The following KLRD1 variants were observed in gnomAD, a reference collection of about 807,000 sequenced individuals.
KLRD1 encodes the protein killer cell lectin like receptor D1, also known as natural killer cells antigen CD94.
In KLRD1, 21 loss-of-function variants were observed where a neutral mutation model predicts 22.6. That is an observed-to-expected ratio of 0.93 (90% confidence interval 0.66 to 1.34). The LOEUF is 1.34. Among genes scored for constraint, KLRD1 ranks in the 40% most tolerant of loss-of-function variants. KLRD1 has a pLI of 0.00. For synonymous variants in KLRD1, 59 were observed against 71.1 expected (o/e 0.83, Z 0.85); for missense variants, 183 against 208.6 (o/e 0.88, Z 0.76).
chr12:10,298,339 A>G (rs890681772), intron 1 of KLRD1, among the ~76,000 whole-genome samples: 3 of 152,264 alleles, frequency 2.0e-5, no homozygotes, highest in African/African-American at 7.2e-5. Flanking sequence ...AAAATGAGTT[A>G]GTAATTATGC....
At position 10,325,379 on chromosome 12, in the gene KLRD1, C is replaced by T. The variant is rs1950351136; in HGVS notation, c.*10586C>T. 6.6e-6 allele frequency: 1 copy of T among 152,086 alleles called. No individual in the cohort carries two copies. Among genetic ancestry groups the T allele is most frequent in the South Asian group, 2.1e-4 (1 of 4,830 alleles). The allele number at this position is 152,086 out of a possible 1,614,324, so 9.4% of individuals were successfully genotyped here. On this transcript the variant is annotated 3_prime_UTR_variant, in exon 6 of 6. Transcript: ENST00000336164. ...AAATTTTATTTTATTGAGGTAAATA[C>T]AACATAAGATCTATCCTCTTAACAA...
At chr12:10,242,952 A>G (rs984932469) in intron 1 of KLRD1, among the ~76,000 whole-genome samples, 6 of 152,176 alleles carry the variant, frequency 3.9e-5, no homozygotes, top group Non-Finnish European at 7.4e-5. Context: ...TCACCCTTAA[A>G]AGAGAAGTAA....
intron 1 of KLRD1, among the ~76,000 whole-genome samples, chr12:10,283,934 G>C (rs2137657381): frequency 6.6e-6 from 1 of 151,898 alleles, no homozygotes; most frequent in Non-Finnish European, 1.5e-5. Flanking sequence ...CCAACACTTT[G>C]GGAGGCCGAG....
At position 10,321,470 on chromosome 12, in the gene KLRD1, A is replaced by G. The variant is rs1234995402; in HGVS notation, c.*6677A>G. On this transcript the variant is annotated 3_prime_UTR_variant, in exon 6 of 6. Transcript: ENST00000336164. ...GGACATAAATCATTTGGGGCCAAAG[A>G]TTAGACTCTTGTAAACAGCTTCCTA... 6.6e-6 allele frequency: 1 copy of G among 152,198 alleles called. No homozygotes were observed. Among genetic ancestry groups the G allele is most frequent in the East Asian group, 1.9e-4 (1 of 5,198 alleles). 9.4% of individuals were successfully genotyped at this position (152,198 alleles called of 1,614,324 possible). A position where few individuals can be genotyped will look rare whatever the true frequency, so the allele number is the denominator to read the frequency against.
intron 1 of KLRD1, among the ~76,000 whole-genome samples, chr12:10,246,695 G>A (rs1949294220): frequency 6.6e-6 from 1 of 152,070 alleles, no homozygotes; most frequent in Non-Finnish European, 1.5e-5. Flanking sequence ...TGAAGAACAT[G>A]TCATTTGTCA....
chr12:10,311,829 G>T, intron 4 of KLRD1: 1 of 406,038 alleles, frequency 2.5e-6, no homozygotes, highest in Non-Finnish European at 4.3e-6. Context: ...ATCAAGATAG[G>T]TGCCAAATAA....
intron 1 of KLRD1, among the ~76,000 whole-genome samples, chr12:10,296,673 T>C (rs1185815341): frequency 3.3e-5 from 5 of 152,098 alleles, no homozygotes; most frequent in Non-Finnish European, 7.4e-5. Context: ...AGTAAATGGA[T>C]TAAAAGAGAG....
intron 1 of KLRD1, among the ~76,000 whole-genome samples, chr12:10,286,131 C>T (rs142629169): frequency 2.5e-4 from 38 of 152,268 alleles, no homozygotes; most frequent in Non-Finnish European, 4.0e-4. Context: ...TAGGCAGCAG[C>T]AACTCTGTGG....
At chr12:10,250,189 G>A (rs1949331922) in intron 1 of KLRD1, among the ~76,000 whole-genome samples, 1 of 140,014 alleles carries the variant, frequency 7.1e-6, no homozygotes, top group Admixed American at 7.8e-5. Flanking sequence ...CCAAGGTGGT[G>A]ATAACGTTTT....
intron 1 of KLRD1, chr12:10,309,038 G>C (rs575328370): frequency 1.2e-4 from 21 of 178,244 alleles, no homozygotes; most frequent in Non-Finnish European, 2.2e-4. Flanking sequence ...AAAAATAAAT[G>C]CCTGTTATGT....
chr12:10,276,892 G>T (rs1186715657), intron 1 of KLRD1, among the ~76,000 whole-genome samples: 2 of 152,060 alleles, frequency 1.3e-5, no homozygotes, highest in African/African-American at 2.4e-5. Flanking sequence ...GACAAGAGAT[G>T]ATGAAATTTA....
chr12:10,290,651 A>G (rs1296333343), intron 1 of KLRD1, among the ~76,000 whole-genome samples: 3 of 152,202 alleles, frequency 2.0e-5, no homozygotes, highest in Non-Finnish European at 2.9e-5. Flanking sequence ...CTCTCCCCTA[A>G]TAAACAAACT....
At chr12:10,242,079 T>TTTTTTG (rs1555099179) in intron 1 of KLRD1, among the ~76,000 whole-genome samples, 3 of 148,924 alleles carry the variant, frequency 2.0e-5, no homozygotes, top group African/African-American at 7.4e-5. Flanking sequence ...CTGTTTTTTT[T>TTTTTTG]TTTTTTTTTT....
rs1950236096 is a variant in KLRD1 at position 10,316,586 on chromosome 12, A to G, written c.*1793A>G. 6.6e-6 allele frequency: 1 copy of G among 151,910 alleles called. No individual in the cohort carries two copies. Among genetic ancestry groups the G allele is most frequent in the Non-Finnish European group, 1.5e-5 (1 of 67,964 alleles). The allele number at this position is 151,910 out of a possible 1,614,324, so 9.4% of individuals were successfully genotyped here. ...TCAGCTAATTTTTTGTATCATTTGT[A>G]GAAATGGGGTTTTGTATTGTTGCCC... is the stretch of plus-strand genomic sequence containing the variant. On this transcript the variant is annotated 3_prime_UTR_variant, in exon 6 of 6. Transcript: ENST00000336164.
intron 1 of KLRD1, among the ~76,000 whole-genome samples, chr12:10,295,714 A>G (rs1022974356): frequency 1.3e-5 from 2 of 152,194 alleles, no homozygotes; most frequent in African/African-American, 2.4e-5. Flanking sequence ...AACATTTACA[A>G]TAAATCAAAA....
In KLRD1 at chr12:10,291,495, G is replaced by A. The variant is rs1176790605; in HGVS notation, c.-100-16483G>A. The stretch of plus-strand genomic sequence containing the variant: ...AATTCTTTGTTGTCATTTCAACAAT[G>A]TTCACAACATCTTCACCAGGAGTAG... On this transcript the variant is annotated intron_variant, in intron 1 of 5. Coordinates refer to the KLRD1 transcript ENST00000544747. Among the ~76,000 whole-genome samples, 10 of 151,920 alleles carry A rather than the reference G, an allele frequency of 6.6e-5. 1 individual carries two copies. Among genetic ancestry groups the A allele is most frequent in the Non-Finnish European group, 1.2e-4 (8 of 68,006 alleles).
At position 10,324,818 on chromosome 12, in the gene KLRD1, G is replaced by GTATATATATATATATATATATATA. The variant is rs1555113906; in HGVS notation, c.*10027_*10050dup. On this transcript the variant is annotated 3_prime_UTR_variant, in exon 6 of 6. Transcript: ENST00000336164. ...AGTATATATGTATATGTGTGTGTGT[G>GTATATATATATATATATATATATA]TATATATATATATATATATATATAT... The GTATATATATATATATATATATATA allele has an allele frequency of 5.2e-3, 386 of 74,038 alleles. 17 individuals carry two copies. Among genetic ancestry groups the GTATATATATATATATATATATATA allele is most frequent in the Non-Finnish European group, 7.8e-3 (293 of 37,626 alleles). 4.6% of individuals were successfully genotyped at this position (74,038 alleles called of 1,614,324 possible).
chr12:10,240,273 C>G (rs918922844), intron 1 of KLRD1, among the ~76,000 whole-genome samples: 4 of 152,038 alleles, frequency 2.6e-5, no homozygotes, highest in African/African-American at 9.7e-5. Flanking sequence ...GTTGCCCAGG[C>G]TGGTCTTGAG....
chr12:10,273,822 G>A (rs1949569396), intron 1 of KLRD1, among the ~76,000 whole-genome samples: 1 of 152,104 alleles, frequency 6.6e-6, no homozygotes, highest in African/African-American at 2.4e-5. Context: ...TTCAAAAGAA[G>A]TTATAAGGGT....
Sources: gnomAD v4.1 joint callset for allele counts (sites outside exome capture counted in the v4.1 genomes callset) on GRCh38, gnomAD v4.1.1 for gene constraint, MANE v1.5 for transcripts, NCBI Gene and HGNC (gene_info 2026-07-23, HGNC 2026-07-21) for gene names.